Variants in HAUS4 observed in about 807,000 individuals in gnomAD.
HAUS4 encodes the protein HAUS augmin like complex subunit 4.
In HAUS4, 34 loss-of-function variants were observed where a neutral mutation model predicts 50.6. The observed-to-expected ratio is 0.67, with a 90% CI of 0.51 to 0.90. The LOEUF (loss-of-function observed/expected upper bound fraction) is 0.90. Among genes scored for constraint, HAUS4 ranks in the 40% least tolerant of loss-of-function variants. HAUS4 has a pLI of 0.00. For synonymous variants in HAUS4, 149 were observed against 161.4 expected (o/e 0.92, Z 0.58); for missense variants, 370 against 428.7 (o/e 0.86, Z 1.21).
In HAUS4 at chr14:22,955,355, G is replaced by A. The variant is rs146081405; in HGVS notation, c.-22-179C>T. 544 of 599,058 alleles carry A rather than the reference G, an allele frequency of 9.1e-4. 1 individual carries two copies. The African/African-American group carries it at 9.4e-3, about 10-fold the overall frequency. The allele number at this position is 599,058 out of a possible 1,614,324, so 37.1% of individuals were successfully genotyped here. On this transcript the variant is annotated intron_variant, in intron 1 of 9. Coordinates refer to ENST00000541587, the MANE Select transcript of HAUS4 (RefSeq NM_001166269.2). ...CCCAAGCTCTTACACAAGCTTTATG[G>A]ACAAACAGATTTACAAGTGCCAAAA...
At position 22,947,311 on chromosome 14, in the gene HAUS4, T is replaced by C. The variant is rs368540027; in HGVS notation, c.840-72A>G. 75 of 1,034,286 alleles carry C rather than the reference T, an allele frequency of 7.3e-5. No individual in the cohort carries two copies. In the African/African-American group the frequency reaches 9.5e-4, roughly 13 times the overall value. The allele number at this position is 1,034,286 out of a possible 1,614,324, so 64.1% of individuals were successfully genotyped here. A position where few individuals can be genotyped will look rare whatever the true frequency, so the allele number is the denominator to read the frequency against. ...GCAGCAGGGTTGGGAATGGACGTAG[T>C]ACCTGCCGACGGTCAAGGTGTGGGC... is the stretch of plus-strand genomic sequence containing the variant. On this transcript the variant is annotated intron_variant, in intron 8 of 9. Coordinates refer to ENST00000541587, the MANE Select transcript of HAUS4 (RefSeq NM_001166269.2).
In HAUS4 at chr14:22,950,026, G is replaced by A. The variant is rs1227940317; in HGVS notation, c.562+288C>T. Reference sequence around the variant, plus strand: ...GCCTGTAATCCCAGCTACTCGGGAGGCTGAGGCAGGAGAATCACTTGAATC... The same window carrying A: ...GCCTGTAATCCCAGCTACTCGGGAGACTGAGGCAGGAGAATCACTTGAATC... On this transcript the variant is annotated intron_variant, in intron 6 of 9. Coordinates refer to ENST00000541587, the MANE Select transcript of HAUS4 (RefSeq NM_001166269.2). 3.3e-5 allele frequency among the ~76,000 whole-genome samples: 5 copies of A among 151,972 alleles called. No homozygotes were observed. The South Asian group carries it at 6.2e-4, about 19-fold the overall frequency.
At chr14:22,952,781 G>C (rs1170732387) in intron 2 of HAUS4, 98 bp from the exon 3 acceptor site, 73 of 945,094 alleles carry the variant, frequency 7.7e-5, no homozygotes, top group Non-Finnish European at 9.9e-5. Flanking sequence ...AAAACCCCTA[G>C]GATTTTTATA....
At position 22,947,643 on chromosome 14, in the gene HAUS4, T is replaced by G. The variant is rs1481075843; in HGVS notation, c.797A>C (p.Gln266Pro). The change falls in exon 8 of 10, where the codon CAG becomes CCG. Residue 266 changes from glutamine (Q) to proline (P), a missense_variant. Gln to Pro is a moderately conservative substitution (Grantham distance 76). Coordinates refer to ENST00000541587, the MANE Select transcript of HAUS4 (RefSeq NM_001166269.2). The stretch of plus-strand genomic sequence containing the variant: ...AGCACCGCACTTGACTTCCAGGTAC[T>G]GGGCATTGATGCGGTCTAGCTCGGA... ...TQSELDRINA[Q>P]YLEVKCGAMI... The G allele has an allele frequency of 6.2e-7, 1 of 1,614,160 alleles. No individual in the cohort carries two copies.
chr14:22,947,264 C>G, intron 8 of HAUS4, 25 bp from the exon 9 acceptor site: 2 of 1,532,374 alleles, frequency 1.3e-6, no homozygotes, highest in Non-Finnish European at 1.8e-6. Flanking sequence ...AAAGAAATGT[C>G]AAGGCAGGAA....
At position 22,946,815 on chromosome 14, in the gene HAUS4, GCT is replaced by G. The variant is rs558159449; in HGVS notation, c.909-109_909-108del. ...TTTTTTTTTTGTCAGATGGAGTCTCGCTCTGTCACCTAGGCTGGAGTGCAGTG... is the reference window on the plus strand; with the variant it reads ...TTTTTTTTTTGTCAGATGGAGTCTCGCTGTCACCTAGGCTGGAGTGCAGTG... On this transcript the variant is annotated intron_variant, in intron 9 of 9. Transcript: ENST00000541587. The G allele has an allele frequency of 6.5e-5, 47 of 722,970 alleles. 1 individual carries two copies. In the East Asian group the frequency reaches 1.3e-3, roughly 20 times the overall value. 44.8% of individuals were successfully genotyped at this position (722,970 alleles called of 1,614,324 possible). A position where few individuals can be genotyped will look rare whatever the true frequency, so the allele number is the denominator to read the frequency against.
intron 8 of HAUS4, 57 bp downstream of exon 8, chr14:22,947,544 T>C (rs2044667035): frequency 2.5e-6 from 4 of 1,589,634 alleles, no homozygotes; most frequent in Non-Finnish European, 3.4e-6. Context: ...GGGTAAGGGA[T>C]AGAGGGCTGA....
At chr14:22,948,253 G>T (rs745442642) in intron 6 of HAUS4, 1 of 485,848 alleles carries the variant, frequency 2.1e-6, no homozygotes, top group African/African-American at 1.9e-5. Flanking sequence ...GTTCAAGACC[G>T]GCTTGGGCAA....
intron 1 of HAUS4, chr14:22,955,416 G>A: frequency 2.0e-6 from 1 of 500,280 alleles, no homozygotes; most frequent in Non-Finnish European, 3.6e-6. Flanking sequence ...GTTTCCACTT[G>A]CTCCAAGCTG....
chr14:22,954,338 A>G (rs1486436925), intron 2 of HAUS4: 3 of 152,216 alleles, frequency 2.0e-5, no homozygotes, highest in Non-Finnish European at 4.4e-5. Flanking sequence ...AAGGTACTGA[A>G]GCATCCAATA....
Position 22,952,630 on chromosome 14 carries a change from T to G in HAUS4, c.109A>C (p.Asn37His). The G allele has an allele frequency of 6.2e-7, 1 of 1,613,704 alleles. No homozygotes were observed. Among genetic ancestry groups the G allele is most frequent in the Non-Finnish European group, 8.5e-7 (1 of 1,179,794 alleles). The change falls in exon 3 of 10, where the codon AAC (asparagine) becomes CAC (histidine). Residue 37 changes from asparagine (N) to histidine (H), a missense_variant. Asn to His is a moderately conservative substitution (Grantham distance 68). Transcript: ENST00000541587. ...AGGAGAAGCTTGCTGAAGTATGGGT[T>G]CTGTAACAGGTCCTCTTTACTCAGG... is the stretch of plus-strand genomic sequence containing the variant. ...CNLSKEDLLQ[N>H]PYFSKLLLNL...
At chr14:22,951,465 A>G (rs1594545096) in intron 5 of HAUS4, 90 bp downstream of exon 5, 1 of 1,461,238 alleles carries the variant, frequency 6.8e-7, no homozygotes, top group South Asian at 1.2e-5. Context: ...ATTTTTACAA[A>G]AACAATAAAG....
At chr14:22,953,406 G>C (rs1350822839) in intron 2 of HAUS4, among the ~76,000 whole-genome samples, 1 of 151,844 alleles carries the variant, frequency 6.6e-6, no homozygotes, top group Non-Finnish European at 1.5e-5. Flanking sequence ...CAAAGTGCTG[G>C]GATTACAGGT....
chr14:22,952,637 C>T lies in HAUS4; in HGVS notation c.102G>A (p.Leu34=), dbSNP rs2044776043. The change falls in exon 3 of 10, where the codon CTG becomes CTA. Residue 34 remains leucine (L), a synonymous_variant. Transcript: ENST00000541587. ...GCTTGCTGAAGTATGGGTTCTGTAA[C>T]AGGTCCTCTTTACTCAGGTTACAAG... is the stretch of plus-strand genomic sequence containing the variant. ...LPPCNLSKED[L]LQNPYFSKLL... The T allele has an allele frequency of 6.2e-7, 1 of 1,613,270 alleles. No homozygotes were observed. The highest frequency in any genetic ancestry group is 1.1e-5 in the South Asian group (1 of 90,938).
At chr14:22,955,877 G>C (rs1420821671) in intron 1 of HAUS4, among the ~76,000 whole-genome samples, 1 of 152,106 alleles carries the variant, frequency 6.6e-6, no homozygotes. Flanking sequence ...TGTTTTGCCA[G>C]AACATGGAGT....
rs2044755538 is a variant in HAUS4, at chr14:22,951,692, G to T, written c.331-3C>A. On this transcript the variant is annotated splice_polypyrimidine_tract_variant and splice_region_variant and intron_variant, in intron 4 of 9. Coordinates refer to ENST00000541587, the MANE Select transcript of HAUS4 (RefSeq NM_001166269.2). ...CGCTGTTCAAGGGTCTCATGAAACT[G>T]AGAGAGAGAGAATAAAAAACAAAAA... is the stretch of plus-strand genomic sequence containing the variant. 6 of 1,566,018 alleles carry T rather than the reference G, an allele frequency of 3.8e-6. No individual in the cohort carries two copies. The highest frequency in any genetic ancestry group is 1.4e-5 in the African/African-American group (1 of 72,908).
chr14:22,946,750 T>G, intron 9 of HAUS4, 42 bp from the exon 10 acceptor site: 7 of 1,237,360 alleles, frequency 5.7e-6, no homozygotes, highest in Non-Finnish European at 8.0e-6. Flanking sequence ...AGGGTGCTGC[T>G]CCTCAGAAAG....
intron 2 of HAUS4, among the ~76,000 whole-genome samples, chr14:22,953,316 T>G (rs2044793127): frequency 6.6e-6 from 1 of 152,044 alleles, no homozygotes; most frequent in African/African-American, 2.4e-5. Flanking sequence ...CTAATTTTTT[T>G]TTTACAGACA....
At chr14:22,949,157 CAAAA>C (rs113283565) in intron 6 of HAUS4, among the ~76,000 whole-genome samples, 5 of 121,152 alleles carry the variant, frequency 4.1e-5, no homozygotes, top group East Asian at 2.4e-4. Context: ...AACTCCGTCT[CAAAA>C]AAAAAAAAAA....
Sources: gnomAD v4.1 joint callset for allele counts (sites outside exome capture counted in the v4.1 genomes callset) on GRCh38, gnomAD v4.1.1 for gene constraint, MANE v1.5 for transcripts, NCBI Gene and HGNC (gene_info 2026-07-23, HGNC 2026-07-21) for gene names.